WWOX: variants seen among roughly 807,000 people sequenced by gnomAD.
The protein encoded by WWOX is WW domain containing oxidoreductase.
Under a neutral mutation model 46.2 loss-of-function variants are expected in WWOX, and 69 were observed. The ratio of observed to expected loss-of-function variants is 1.49; its 90% CI spans 1.23 to 1.82. The LOEUF (loss-of-function observed/expected upper bound fraction) is 1.82. Ranked by LOEUF, WWOX falls within the 40% of genes most tolerant of loss-of-function variation. The pLI, the probability that WWOX is intolerant of heterozygous loss-of-function variation, is 0.00. For missense variants in WWOX, 919 were observed against 542.6 expected (o/e 1.69, Z -6.89); for synonymous variants, 359 against 202.6 (o/e 1.77, Z -6.56).
intron 5 of WWOX, among the ~76,000 whole-genome samples, chr16:78,326,228 G>A (rs2080610840): frequency 6.6e-6 from 1 of 152,212 alleles, no homozygotes; most frequent in Non-Finnish European, 1.5e-5. Flanking sequence ...TTATGGGGAT[G>A]CTCACAAAAG....
chr16:78,950,442 T>A (rs1423141734), intron 8 of WWOX, among the ~76,000 whole-genome samples: 1 of 151,944 alleles, frequency 6.6e-6, no homozygotes, highest in South Asian at 2.1e-4. Flanking sequence ...GAAAAAGATG[T>A]TGGGTTGGAA....
chr16:78,619,442 G>C (rs889249160), intron 8 of WWOX, among the ~76,000 whole-genome samples: 3 of 148,108 alleles, frequency 2.0e-5, no homozygotes, highest in Non-Finnish European at 3.0e-5. Flanking sequence ...TGTACACACT[G>C]CATGCACATG....
intron 8 of WWOX, among the ~76,000 whole-genome samples, chr16:79,179,836 C>G (rs936337275): frequency 6.6e-6 from 1 of 152,222 alleles, no homozygotes; most frequent in South Asian, 2.1e-4. Flanking sequence ...ATTTCAGCAG[C>G]TGTCATGGAA....
At chr16:79,162,699 G>T (rs746376102) in intron 8 of WWOX, among the ~76,000 whole-genome samples, 17 of 152,226 alleles carry the variant, frequency 1.1e-4, no homozygotes, top group African/African-American at 4.1e-4. Flanking sequence ...TGTGTTCACC[G>T]CCTTCCTGAG....
chr16:78,867,596 C>G (rs752377007), intron 8 of WWOX, among the ~76,000 whole-genome samples: 1 of 151,296 alleles, frequency 6.6e-6, no homozygotes, highest in East Asian at 2.0e-4. Flanking sequence ...GCTGGAGTGC[C>G]TTGGTGCAAT....
At chr16:78,287,723 T>C (rs149040473) in intron 5 of WWOX, among the ~76,000 whole-genome samples, 128 of 152,326 alleles carry the variant, frequency 8.4e-4, no homozygotes, top group African/African-American at 2.9e-3. Flanking sequence ...ATTCATGATA[T>C]AAATTTTTAA....
intron 8 of WWOX, among the ~76,000 whole-genome samples, chr16:78,438,211 A>G (rs2083374715): frequency 6.6e-6 from 1 of 152,174 alleles, no homozygotes; most frequent in South Asian, 2.1e-4. Flanking sequence ...AATAATTCCA[A>G]GTTCTACAAT....
At chr16:78,677,408 G>C (rs987493917) in intron 8 of WWOX, among the ~76,000 whole-genome samples, 1 of 152,128 alleles carries the variant, frequency 6.6e-6, no homozygotes, top group Admixed American at 6.5e-5. Flanking sequence ...TTGAAAACTT[G>C]CAATGGCTTG....
chr16:78,528,793 G>A (rs1369770190), intron 8 of WWOX, among the ~76,000 whole-genome samples: 1 of 152,106 alleles, frequency 6.6e-6, no homozygotes, highest in Non-Finnish European at 1.5e-5. Context: ...TCAGTGGCTG[G>A]TTCTTCGTGT....
chr16:78,774,202 A>G (rs1342247067), intron 8 of WWOX, among the ~76,000 whole-genome samples: 1 of 152,118 alleles, frequency 6.6e-6, no homozygotes, highest in African/African-American at 2.4e-5. Context: ...GGAGATGGAG[A>G]CCATCCTGGC....
chr16:78,628,655 T>G (rs2046362489), intron 8 of WWOX, among the ~76,000 whole-genome samples: 1 of 152,184 alleles, frequency 6.6e-6, no homozygotes, highest in African/African-American at 2.4e-5. Context: ...TCTGGAACTT[T>G]GCAAAATAAA....
At chr16:78,696,347 T>C (rs867239798) in intron 8 of WWOX, among the ~76,000 whole-genome samples, 1 of 152,232 alleles carries the variant, frequency 6.6e-6, no homozygotes, top group African/African-American at 2.4e-5. Context: ...GGCAGGGTCC[T>C]AAGTGACTTC....
chr16:78,755,807 C>T (rs755965479), intron 8 of WWOX, among the ~76,000 whole-genome samples: 7 of 152,188 alleles, frequency 4.6e-5, no homozygotes, highest in Non-Finnish European at 8.8e-5. Context: ...CTCTCACTTT[C>T]GCCATTTAAT....
At chr16:78,236,818 T>C (rs1408837026) in intron 5 of WWOX, among the ~76,000 whole-genome samples, 1 of 152,144 alleles carries the variant, frequency 6.6e-6, no homozygotes, top group Non-Finnish European at 1.5e-5. Context: ...GGCTCACACC[T>C]GTAATCCCAG....
At chr16:78,625,527 G>T (rs2046291655) in intron 8 of WWOX, among the ~76,000 whole-genome samples, 1 of 152,048 alleles carries the variant, frequency 6.6e-6, no homozygotes, top group Non-Finnish European at 1.5e-5. Flanking sequence ...GTAGTACCAA[G>T]TTCCCATGTG....
chr16:78,146,608 G>T (rs929864971), intron 4 of WWOX, among the ~76,000 whole-genome samples: 1 of 152,092 alleles, frequency 6.6e-6, no homozygotes, highest in African/African-American at 2.4e-5. Context: ...CCCTCATCAT[G>T]GTATCCCCAA....
At chr16:78,627,241 C>G (rs533276989) in intron 8 of WWOX, among the ~76,000 whole-genome samples, 2 of 152,282 alleles carry the variant, frequency 1.3e-5, no homozygotes, top group East Asian at 3.9e-4. Context: ...GGTGTGTTTG[C>G]TACCATACCT....
chr16:78,829,250 C>T (rs2051747458), intron 8 of WWOX, among the ~76,000 whole-genome samples: 1 of 152,004 alleles, frequency 6.6e-6, no homozygotes, highest in Admixed American at 6.6e-5. Context: ...AGAAGTGTAG[C>T]CAGCAATCTG....
rs376332858 is a variant in WWOX at position 78,256,604 on chromosome 16, C to T, written c.516+92315C>T. On this transcript the variant is annotated intron_variant, in intron 5 of 8. Coordinates refer to ENST00000566780, the MANE Select transcript of WWOX (RefSeq NM_016373.4). ...AGGGTCATTAGCAAACTGTCCTTTG[C>T]TAAATGGGACTAATGGGAAGAATAG... Among the ~76,000 whole-genome samples, 3 of 151,714 alleles carry T rather than the reference C, an allele frequency of 2.0e-5. No individual in the cohort carries two copies. The East Asian group carries it at 5.9e-4, about 30-fold the overall frequency.
Sources: allele counts gnomAD v4.1 joint callset (sites outside exome capture counted in the v4.1 genomes callset), GRCh38; gene constraint gnomAD v4.1.1; transcripts MANE v1.5; gene names NCBI Gene and HGNC (gene_info 2026-07-23, HGNC 2026-07-21).